DNAJB1: variants seen among roughly 807,000 people sequenced by gnomAD.
DNAJB1 encodes dnaJ homolog subfamily B member 1.
A neutral mutation model predicts 24.0 loss-of-function variants in DNAJB1; 14 were observed. That is an observed-to-expected ratio of 0.58 (90% CI 0.39 to 0.91). The LOEUF (loss-of-function observed/expected upper bound fraction) is 0.91. Ranked by LOEUF, DNAJB1 falls within the 40% of genes least tolerant of loss-of-function variation. DNAJB1 has a pLI of 0.00. For synonymous variants in DNAJB1, 262 were observed against 174.4 expected, an observed-to-expected ratio of 1.50 and a Z score of -3.96; for missense variants, 517 against 458.1, an observed-to-expected ratio of 1.13 and a Z score of -1.17.
chr19:14,531,270 C>A (rs1219925235), upstream of DNAJB1: 1 of 151,792 alleles, frequency 6.6e-6, no homozygotes, highest in Non-Finnish European at 1.5e-5. Flanking sequence ...CTCTTGACCT[C>A]AAGTGATTTG....
chr19:14,539,725 A>ATGCC (rs2146570256), intron 1 of DNAJB1, among the ~76,000 whole-genome samples: 1 of 151,918 alleles, frequency 6.6e-6, no homozygotes, highest in Admixed American at 6.6e-5. Flanking sequence ...TGCTTTCCTC[A>ATGCC]TGCCTGGCCC....
intron 1 of DNAJB1, among the ~76,000 whole-genome samples, chr19:14,535,558 A>ATATATATATATG (rs2072856548): frequency 5.9e-5 from 1 of 17,092 alleles, no homozygotes; most frequent in Admixed American, 8.3e-4. Flanking sequence ...ATATATATAT[A>ATATATATATATG]TATATATATA....
Position 14,518,187 on chromosome 19 carries a change from GC to G in DNAJB1, c.162del (p.Leu55SerfsTer18). On this transcript the variant is annotated frameshift_variant, in exon 1 of 3. Coordinates refer to ENST00000254322, the MANE Select transcript of DNAJB1 (RefSeq NM_006145.3). LOFTEE classifies it high-confidence loss of function. Reference sequence around the variant, plus strand: ...ATCTCGCGCTTGCGCGGGTCGCTGAGCACGTCGTAGGCCTCAGCGATCTCCT... The same window carrying G: ...ATCTCGCGCTTGCGCGGGTCGCTGAGACGTCGTAGGCCTCAGCGATCTCCT... The part of the protein sequence containing the change: ...KFKEIAEAYD[V>X]LSDPRKREIF... 1 of 1,597,506 alleles carries G rather than the reference GC, an allele frequency of 6.3e-7. No homozygotes were observed. Among genetic ancestry groups the G allele is most frequent in the Non-Finnish European group, 8.5e-7 (1 of 1,172,940 alleles).
chr19:14,544,381 A>G (rs574177613), intron 1 of DNAJB1, among the ~76,000 whole-genome samples: 2 of 152,138 alleles, frequency 1.3e-5, no homozygotes, highest in South Asian at 4.1e-4. Flanking sequence ...GATAGAGGCC[A>G]CTGTCTTACG....
chr19:14,518,092 CCTGT>C (rs926443998), intron 1 of DNAJB1, 43 bp downstream of exon 1: 25 of 1,405,830 alleles, frequency 1.8e-5, no homozygotes, highest in African/African-American at 7.5e-5. Context: ...CCTCAGTTTC[CCTGT>C]CTGTCAAAAG....
intron 1 of DNAJB1, among the ~76,000 whole-genome samples, chr19:14,535,547 T>A (rs1335191643): frequency 2.4e-3 from 14 of 5,788 alleles, no homozygotes; most frequent in South Asian, 9.3e-3. Context: ...AAAAAAAATA[T>A]ATATATATAT....
At chr19:14,540,083 G>A (rs1274175897) in intron 1 of DNAJB1, among the ~76,000 whole-genome samples, 4 of 144,854 alleles carry the variant, frequency 2.8e-5, no homozygotes, top group African/African-American at 7.7e-5. Flanking sequence ...TTTTTGAGAC[G>A]GAGTCTCGCT....
chr19:14,559,308 G>C (rs999672702), intron 1 of DNAJB1, among the ~76,000 whole-genome samples: 1 of 151,998 alleles, frequency 6.6e-6, no homozygotes, highest in Non-Finnish European at 1.5e-5. Context: ...TCTGAAAGGA[G>C]ACCGGGTACC....
chr19:14,519,936 G>T (rs76497942), upstream of DNAJB1, among the ~76,000 whole-genome samples: 1 of 152,154 alleles, frequency 6.6e-6, no homozygotes, highest in Admixed American at 6.5e-5. Flanking sequence ...CCAGGGAAGT[G>T]GGGGAGGTTC....
At chr19:14,542,582 G>A (rs932345326) in intron 1 of DNAJB1, among the ~76,000 whole-genome samples, 11 of 139,730 alleles carry the variant, frequency 7.9e-5, no homozygotes, top group South Asian at 2.3e-4. Flanking sequence ...GGGTGGTCTC[G>A]AACTCCTGAC....
intron 1 of DNAJB1, among the ~76,000 whole-genome samples, chr19:14,535,573 T>A (rs1599415949): frequency 9.7e-5 from 3 of 30,854 alleles, no homozygotes; most frequent in Non-Finnish European, 1.4e-4. Context: ...TATATATATA[T>A]ATATATATAT....
At chr19:14,540,994 T>C (rs2073078373) in intron 1 of DNAJB1, among the ~76,000 whole-genome samples, 1 of 151,932 alleles carries the variant, frequency 6.6e-6, no homozygotes, top group South Asian at 2.1e-4. Context: ...CGCTGCTAAT[T>C]TTGGTATTTT....
At chr19:14,529,667 G>T (rs374421287), upstream of DNAJB1, 1 of 1,613,686 alleles carries the variant, frequency 6.2e-7, no homozygotes, top group African/African-American at 1.3e-5. Context: ...AGCAGCAGCC[G>T]CGGAGCAGTA....
chr19:14,544,387 T>G (rs2073230976), intron 1 of DNAJB1, among the ~76,000 whole-genome samples: 1 of 152,066 alleles, frequency 6.6e-6, no homozygotes, highest in African/African-American at 2.4e-5. Context: ...GGCCACTGTC[T>G]TACGGAGCAC....
chr19:14,548,775 A>G lies in DNAJB1; in HGVS notation c.-214+1433T>C, dbSNP rs567391836. ...GTATTTTGGTAGAGACGGGTTCACC[A>G]TGTTGGCCAGGCTGGTCTCAAACTC... On this transcript the variant is annotated intron_variant, in intron 1 of 3. Transcript: ENST00000676982. 5.9e-5 allele frequency among the ~76,000 whole-genome samples: 9 copies of G among 152,084 alleles called. No individual in the cohort carries two copies. The East Asian group carries it at 1.4e-3, about 23-fold the overall frequency.
intron 1 of DNAJB1, among the ~76,000 whole-genome samples, chr19:14,540,529 T>C (rs1247136199): frequency 6.6e-6 from 1 of 151,540 alleles, no homozygotes; most frequent in Non-Finnish European, 1.5e-5. Context: ...GTAGCTGGGA[T>C]TACTGGTGCC....
intron 1 of DNAJB1, among the ~76,000 whole-genome samples, chr19:14,549,498 A>G (rs997548787): frequency 3.3e-5 from 5 of 151,880 alleles, no homozygotes; most frequent in Non-Finnish European, 5.9e-5. Context: ...TAAGTTTTTA[A>G]AAGTTTTTGT....
At position 14,516,772 on chromosome 19, in the gene DNAJB1, G is replaced by A. The variant is rs762896888; in HGVS notation, c.486C>T (p.Pro162=). 9 of 1,614,018 alleles carry A rather than the reference G, an allele frequency of 5.6e-6. No individual in the cohort carries two copies. In the Admixed American group the frequency reaches 1.0e-4, roughly 18 times the overall value. Residue 162 remains proline, a synonymous_variant, in exon 2 of 3, where the codon CCC becomes CCT. Coordinates refer to ENST00000254322, the MANE Select transcript of DNAJB1 (RefSeq NM_006145.3). ...AQEPARKKQD[P]PVTHDLRVSL... ...AGACTCGAAGGTCGTGGGTGACTGG[G>A]GGATCTTGCTTCTTTCGGGCGGGCT...
At chr19:14,534,973 T>C (rs1343799148) in intron 1 of DNAJB1, among the ~76,000 whole-genome samples, 1 of 152,130 alleles carries the variant, frequency 6.6e-6, no homozygotes, top group African/African-American at 2.4e-5. Flanking sequence ...AGAGCATCCC[T>C]GAAGGGAGGG....
Sources: gnomAD v4.1 joint callset for allele counts (sites outside exome capture counted in the v4.1 genomes callset) on GRCh38, gnomAD v4.1.1 for gene constraint, MANE v1.5 for transcripts, NCBI Gene and HGNC (gene_info 2026-07-23, HGNC 2026-07-21) for gene names.